Variants in PRKG1 observed in about 807,000 individuals in gnomAD.
PRKG1 encodes protein kinase cGMP-dependent 1, also known as cGMP-dependent protein kinase 1.
In PRKG1, 35 loss-of-function variants were observed where a neutral mutation model predicts 88.1. The ratio of observed to expected loss-of-function variants is 0.40; its 90% CI spans 0.30 to 0.53. The LOEUF is 0.53. Ranked by LOEUF, PRKG1 falls within the 20% of genes least tolerant of loss-of-function variation. The probability of loss-of-function intolerance (pLI) is 0.59; values close to 1 mark genes in which losing one functional copy is unlikely to be tolerated. For synonymous variants in PRKG1, 303 were observed against 292.5 expected (o/e 1.04, Z -0.37); for missense variants, 540 against 839.8 (o/e 0.64, Z 4.41).
chr10:51,844,942 G>T (rs923703500), intron 4 of PRKG1, among the ~76,000 whole-genome samples: 1 of 152,100 alleles, frequency 6.6e-6, no homozygotes, highest in Non-Finnish European at 1.5e-5. Flanking sequence ...CTTTTGATGA[G>T]ACTGGGTTAA....
intron 16 of PRKG1, 80 bp from the exon 17 acceptor site, chr10:52,290,144 G>A (rs1360386940): frequency 8.4e-7 from 1 of 1,189,986 alleles, no homozygotes; most frequent in Non-Finnish European, 1.2e-6. Context: ...CTTCCCATTA[G>A]CCATGGACAT....
intron 9 of PRKG1, among the ~76,000 whole-genome samples, chr10:52,210,519 G>T (rs1341801370): frequency 1.3e-5 from 2 of 152,048 alleles, no homozygotes; most frequent in Admixed American, 6.6e-5. Context: ...CTCACGGTAG[G>T]TTATTTGTTA....
At chr10:51,648,994 A>T (rs1008009857) in intron 3 of PRKG1, among the ~76,000 whole-genome samples, 1 of 152,148 alleles carries the variant, frequency 6.6e-6, no homozygotes. Flanking sequence ...ACGTAAGTCC[A>T]GGGGATTGAA....
At chr10:52,147,466 A>T (rs1206830786) in intron 8 of PRKG1, among the ~76,000 whole-genome samples, 1 of 152,238 alleles carries the variant, frequency 6.6e-6, no homozygotes, top group Non-Finnish European at 1.5e-5. Flanking sequence ...GAAATTAATG[A>T]TCAGAAAGAC....
intron 3 of PRKG1, among the ~76,000 whole-genome samples, chr10:51,483,001 T>C (rs1840410115): frequency 8.1e-6 from 1 of 123,164 alleles, no homozygotes; most frequent in African/African-American, 2.9e-5. Flanking sequence ...GAATCTTTTC[T>C]TTTCTTTCTT....
In PRKG1 at chr10:51,987,766, C is replaced by G. The variant is rs148363834; in HGVS notation, c.763-66718C>G. Among the ~76,000 whole-genome samples the G allele has an allele frequency of 5.1e-3, 774 of 152,040 alleles. 7 individuals are homozygous for G. The highest frequency in any genetic ancestry group is 0.017 in the African/African-American group (724 of 41,498). ...TAATTTCATGTCAGTGTATGTGTGT[C>G]TGTGTTTATTTGTGTACATTTATCT... On this transcript the variant is annotated intron_variant, in intron 5 of 17. Coordinates refer to ENST00000373980, the MANE Select transcript of PRKG1 (RefSeq NM_006258.4).
At chr10:52,056,487 G>A (rs1208641483) in intron 6 of PRKG1, among the ~76,000 whole-genome samples, 1 of 152,124 alleles carries the variant, frequency 6.6e-6, no homozygotes, top group Non-Finnish European at 1.5e-5. Flanking sequence ...CTGAAGACAG[G>A]TGCATTAGTC....
chr10:51,972,406 T>C (rs1843732697), intron 5 of PRKG1, among the ~76,000 whole-genome samples: 2 of 152,204 alleles, frequency 1.3e-5, no homozygotes, highest in African/African-American at 4.8e-5. Flanking sequence ...GTCATACCTC[T>C]GGTCATATAC....
chr10:51,431,144 G>C (rs539992590), intron 2 of PRKG1, among the ~76,000 whole-genome samples: 1 of 152,290 alleles, frequency 6.6e-6, no homozygotes, highest in East Asian at 1.9e-4. Context: ...CTCCCTGTCA[G>C]ATGCAACTGC....
At chr10:51,722,480 ATACT>A (rs1842037210) in intron 3 of PRKG1, among the ~76,000 whole-genome samples, 1 of 151,824 alleles carries the variant, frequency 6.6e-6, no homozygotes, top group Admixed American at 6.6e-5. Flanking sequence ...TATTATGTTG[ATACT>A]TATTAAGTAT....
chr10:51,820,073 GAA>G (rs1394900705), intron 4 of PRKG1, among the ~76,000 whole-genome samples: 4 of 152,116 alleles, frequency 2.6e-5, no homozygotes, highest in African/African-American at 9.6e-5. Flanking sequence ...TATAGAAACC[GAA>G]AAGACAAATC....
chr10:51,017,944 G>T (rs977367719), intron 1 of PRKG1, among the ~76,000 whole-genome samples: 1 of 151,812 alleles, frequency 6.6e-6, no homozygotes, highest in Non-Finnish European at 1.5e-5. Flanking sequence ...GACCACAGGT[G>T]CGTGGGACCA....
At chr10:51,396,755 A>T (rs1837587544) in intron 2 of PRKG1, among the ~76,000 whole-genome samples, 1 of 152,258 alleles carries the variant, frequency 6.6e-6, no homozygotes, top group South Asian at 2.1e-4. Context: ...TGCAAATTAT[A>T]GTATTTTCAC....
chr10:51,254,531 A>G (rs1564656971), intron 2 of PRKG1, among the ~76,000 whole-genome samples: 1 of 152,112 alleles, frequency 6.6e-6, no homozygotes, highest in East Asian at 1.9e-4. Flanking sequence ...GTAATCACAG[A>G]CTAGTAAAAC....
At chr10:51,660,413 G>A (rs1840269838) in intron 3 of PRKG1, among the ~76,000 whole-genome samples, 1 of 151,566 alleles carries the variant, frequency 6.6e-6, no homozygotes, top group Admixed American at 6.6e-5. Flanking sequence ...GAAATGATGG[G>A]CCATAAAGTG....
At chr10:51,497,022 G>A (rs192796693) in intron 3 of PRKG1, among the ~76,000 whole-genome samples, 2 of 152,282 alleles carry the variant, frequency 1.3e-5, no homozygotes. Flanking sequence ...TTATCAGAAT[G>A]AGCCATTTGC....
At chr10:51,601,137 A>C (rs1306272703) in intron 3 of PRKG1, among the ~76,000 whole-genome samples, 1 of 152,122 alleles carries the variant, frequency 6.6e-6, no homozygotes, top group Non-Finnish European at 1.5e-5. Flanking sequence ...TTAATTTGAG[A>C]ATAAAGTAGG....
intron 1 of PRKG1, chr10:51,148,171 T>G (rs1845984465): frequency 1.2e-6 from 1 of 821,778 alleles, no homozygotes; most frequent in Non-Finnish European, 1.5e-6. Context: ...CTGCAAGGAG[T>G]ATGTCTGTGT....
intron 5 of PRKG1, among the ~76,000 whole-genome samples, chr10:51,971,034 G>T (rs1362777751): frequency 4.0e-5 from 6 of 151,674 alleles, no homozygotes; most frequent in Admixed American, 2.0e-4. Context: ...ATAAGCTAAT[G>T]CTACATGCAA....
Sources: gnomAD v4.1 joint callset for allele counts (sites outside exome capture counted in the v4.1 genomes callset) on GRCh38, gnomAD v4.1.1 for gene constraint, MANE v1.5 for transcripts, NCBI Gene and HGNC (gene_info 2026-07-23, HGNC 2026-07-21) for gene names.